The following TECPR1 variants were observed in gnomAD, a reference collection of about 807,000 sequenced individuals.
The protein encoded by TECPR1 is tectonin beta-propeller repeat containing 1, also known as tectonin beta-propeller repeat-containing protein 1.
Under a neutral mutation model 162.4 loss-of-function variants are expected in TECPR1, and 122 were observed. The ratio of observed to expected loss-of-function variants is 0.75; its 90% CI spans 0.65 to 0.87. The LOEUF (loss-of-function observed/expected upper bound fraction) is 0.87. Ranked by LOEUF, TECPR1 falls within the 40% of genes least tolerant of loss-of-function variation. The pLI is 0.00. For missense variants in TECPR1, 1,432 were observed against 1,618.2 expected, an observed-to-expected ratio of 0.88 and a Z score of 1.97; for synonymous variants, 642 against 670.6, an observed-to-expected ratio of 0.96 and a Z score of 0.66.
intron 19 of TECPR1, among the ~76,000 whole-genome samples, chr7:98,223,996 G>A (rs1042656353): frequency 1.3e-5 from 2 of 152,214 alleles, no homozygotes; most frequent in African/African-American, 4.8e-5. Flanking sequence ...CTGGGGAAGG[G>A]GGTCGGGCCT....
intron 23 of TECPR1, among the ~76,000 whole-genome samples, chr7:98,220,334 A>G (rs547466017): frequency 2.0e-5 from 3 of 152,254 alleles, no homozygotes; most frequent in Non-Finnish European, 4.4e-5. Flanking sequence ...ACAAGAATGA[A>G]ATTCCGTCTC....
intron 2 of TECPR1, among the ~76,000 whole-genome samples, chr7:98,250,759 G>C (rs570914323): frequency 6.6e-6 from 1 of 152,226 alleles, no homozygotes; most frequent in South Asian, 2.1e-4. Context: ...AGGAGATTTT[G>C]ACTTTCCTTC....
chr7:98,227,830 A>C (rs938817759), intron 17 of TECPR1, among the ~76,000 whole-genome samples, 184 bp downstream of exon 17: 15 of 151,606 alleles, frequency 9.9e-5, no homozygotes, highest in African/African-American at 3.6e-4. Context: ...TCAAAAAAAA[A>C]AAAAAAAAAA....
intron 8 of TECPR1, among the ~76,000 whole-genome samples, chr7:98,239,427 C>T (rs148353290): frequency 8.3e-4 from 126 of 152,232 alleles, no homozygotes; most frequent in African/African-American, 2.7e-3. Flanking sequence ...TGGTGGTACA[C>T]GCTTGGAACC....
intron 19 of TECPR1, among the ~76,000 whole-genome samples, chr7:98,224,253 G>A (rs1233026771): frequency 6.6e-6 from 1 of 152,184 alleles, no homozygotes. Flanking sequence ...CCAACAGGCT[G>A]AGACTGTGCC....
intron 22 of TECPR1, 104 bp from the exon 23 acceptor site, chr7:98,221,857 G>C (rs777660776): frequency 1.2e-5 from 10 of 845,948 alleles, no homozygotes; most frequent in Non-Finnish European, 1.9e-5. Context: ...TGTGTAGCCT[G>C]GTGTCAGCTG....
intron 15 of TECPR1, among the ~76,000 whole-genome samples, 188 bp from the exon 16 acceptor site, chr7:98,229,354 C>T (rs1584333263): frequency 2.6e-5 from 4 of 152,202 alleles, no homozygotes; most frequent in Admixed American, 6.5e-5. Context: ...ACTCAGCCCA[C>T]GAGAGGTGCA....
At chr7:98,249,777 C>T (rs1460358168) in intron 2 of TECPR1, among the ~76,000 whole-genome samples, 2 of 152,024 alleles carry the variant, frequency 1.3e-5, no homozygotes, top group African/African-American at 4.8e-5. Flanking sequence ...CGGTGAAACC[C>T]GTCTCTACTA....
rs1458603471 is a variant in TECPR1, at chr7:98,233,463, C to T, written c.1630G>A (p.Val544Met). 3 of 1,477,148 alleles carry T rather than the reference C, an allele frequency of 2.0e-6. No homozygotes were observed. The highest frequency in any genetic ancestry group is 2.7e-5 in the Admixed American group (1 of 37,606). 91.5% of individuals were successfully genotyped at this position (1,477,148 alleles called of 1,614,324 possible). A position where few individuals can be genotyped will look rare whatever the true frequency, so the allele number is the denominator to read the frequency against. Residue 544 changes from valine to methionine, a missense_variant, in exon 11 of 26, where the codon GTG (valine) becomes ATG (methionine). Coordinates refer to ENST00000447648, the MANE Select transcript of TECPR1 (RefSeq NM_015395.3). ...WAWVSGGGCV[V>M]EACAMPRWFT... ...CATCTGGGCATGGCACATGCCTCCA[C>T]CACGCAGCCGCCTCCCGACACCCAG...
In TECPR1 at chr7:98,223,183, G is replaced by T; in HGVS notation, c.2748-13C>A. On this transcript the variant is annotated splice_polypyrimidine_tract_variant and intron_variant, in intron 20 of 25. Coordinates refer to ENST00000447648, the MANE Select transcript of TECPR1 (RefSeq NM_015395.3). The stretch of plus-strand genomic sequence containing the variant: ...CAGCTTGCATTTTCTGTACAGTGGA[G>T]AGGGGACACAGCCCAGGGACCCCAA... 1 of 1,584,166 alleles carries T rather than the reference G, an allele frequency of 6.3e-7. No individual in the cohort carries two copies. Among genetic ancestry groups the T allele is most frequent in the East Asian group, 2.3e-5 (1 of 43,502 alleles).
chr7:98,225,203 T>C, intron 17 of TECPR1, 101 bp from the exon 18 acceptor site: 2 of 1,153,154 alleles, frequency 1.7e-6, no homozygotes, highest in Non-Finnish European at 2.5e-6. Context: ...CGAGCTCCAG[T>C]CTCAGAGCCA....
rs548068443 is a variant in TECPR1 at position 98,244,407 on chromosome 7, G to A, written c.531+164C>T. Among the ~76,000 whole-genome samples the A allele has an allele frequency of 2.5e-4, 38 of 152,344 alleles. No homozygotes were observed. In the East Asian group the frequency reaches 5.6e-3, roughly 22 times the overall value. The stretch of plus-strand genomic sequence containing the variant: ...GACTATCTCCCAAGTGAAGGGACAC[G>A]CAGTGTCGTGGTGTTCCCGGGACAG... On this transcript the variant is annotated intron_variant, in intron 5 of 25. Coordinates refer to ENST00000447648, the MANE Select transcript of TECPR1 (RefSeq NM_015395.3).
At chr7:98,224,678 G>A (rs2116545732) in intron 19 of TECPR1, 123 bp downstream of exon 19, 1 of 954,854 alleles carries the variant, frequency 1.0e-6, no homozygotes, top group East Asian at 2.7e-5. Context: ...CCAGGGGTCT[G>A]CTCCTTGGCC....
intron 10 of TECPR1, among the ~76,000 whole-genome samples, chr7:98,235,827 C>CAAAAAAAAAAAAAAAAAAAA (rs765569294): frequency 1.4e-4 from 5 of 36,662 alleles, no homozygotes; most frequent in South Asian, 5.9e-4. Flanking sequence ...GAGACTGTCT[C>CAAAAAAAAAAAAAAAAAAAA]AAAAAAAAAA....
intron 19 of TECPR1, among the ~76,000 whole-genome samples, chr7:98,224,041 G>A (rs1241947419): frequency 6.6e-6 from 1 of 152,076 alleles, no homozygotes; most frequent in Non-Finnish European, 1.5e-5. Context: ...ACTTGTCAGG[G>A]GTCAGGCTAA....
chr7:98,222,760 C>A, intron 21 of TECPR1: 1 of 784,984 alleles, frequency 1.3e-6, no homozygotes, highest in South Asian at 1.7e-5. Flanking sequence ...GGGGTGCTGA[C>A]CACCAAGGAC....
At position 98,233,583 on chromosome 7, in the gene TECPR1, C is replaced by T. The variant is rs752960866; in HGVS notation, c.1510G>A (p.Ala504Thr). ...AGGCTGGTGGTCTCGGGGAAGCCAG[C>T]GGCCGAGTGGCTGGGCACTTTCTTG... ...EAKKVPSHSA[A>T]GFPETTSLSS... The change falls in exon 11 of 26, where the codon GCT becomes ACT. Residue 504 changes from alanine (A) to threonine (T), a missense_variant. Coordinates refer to ENST00000447648, the MANE Select transcript of TECPR1 (RefSeq NM_015395.3). The T allele has an allele frequency of 6.3e-6, 10 of 1,592,254 alleles. No individual in the cohort carries two copies. Among genetic ancestry groups the T allele is most frequent in the South Asian group, 2.3e-5 (2 of 88,204 alleles).
At position 98,229,131 on chromosome 7, in the gene TECPR1, A is replaced by C. The variant is rs1584332920; in HGVS notation, c.2318T>G (p.Val773Gly). 6.4e-7 allele frequency: 1 copy of C among 1,565,528 alleles called. No homozygotes were observed. ...WRQMGGHLRM[V>G]EANSRGVVWG... Reference sequence around the variant, plus strand: ...CACCACGCCCCGGCTGTTGGCCTCCACCATCCGCAGGTGGCCTCCCATCTG... The same window carrying C: ...CACCACGCCCCGGCTGTTGGCCTCCCCCATCCGCAGGTGGCCTCCCATCTG... The change falls in exon 16 of 26, where the codon GTG becomes GGG. Residue 773 changes from valine (V) to glycine (G), a missense_variant. Physicochemically the swap from Val to Gly is moderately radical, Grantham distance 109. Coordinates refer to ENST00000447648, the MANE Select transcript of TECPR1 (RefSeq NM_015395.3).
chr7:98,237,015 A>G lies in TECPR1; in HGVS notation c.1036-94T>C, dbSNP rs180852874. ...GTGCAAAATGCAGGCAGGGTCCTCC[A>G]TGTGCAGGTGTGTGTGGGCTGGGAA... On this transcript the variant is annotated intron_variant, in intron 9 of 25. Transcript: ENST00000447648. 12,249 of 1,359,238 alleles carry G rather than the reference A, an allele frequency of 9.0e-3. 75 individuals carry two copies. The highest frequency in any genetic ancestry group is 0.011 in the Non-Finnish European group (11,088 of 1,026,368). The allele number at this position is 1,359,238 out of a possible 1,614,324, so 84.2% of individuals were successfully genotyped here.
Sources: gnomAD v4.1 joint callset for allele counts (sites outside exome capture counted in the v4.1 genomes callset) on GRCh38, gnomAD v4.1.1 for gene constraint, MANE v1.5 for transcripts, NCBI Gene and HGNC (gene_info 2026-07-23, HGNC 2026-07-21) for gene names.